The following SORCS3 variants were observed in gnomAD, a reference collection of about 807,000 sequenced individuals.
SORCS3 encodes the protein VPS10 domain-containing receptor SorCS3.
SORCS3 carries 57 observed loss-of-function variants against 146.3 expected under a neutral mutation model. That is an observed-to-expected ratio of 0.39 (90% CI 0.31 to 0.49). The LOEUF is 0.49. Ranked by LOEUF, SORCS3 falls within the 20% of genes least tolerant of loss-of-function variation. SORCS3 has a pLI of 0.92. For synonymous variants in SORCS3, 653 were observed against 618.5 expected (o/e 1.06, Z -0.83); for missense variants, 1,341 against 1,575.5 (o/e 0.85, Z 2.52).
At chr10:104,746,831 T>A (rs2016917184) in intron 1 of SORCS3, among the ~76,000 whole-genome samples, 1 of 152,232 alleles carries the variant, frequency 6.6e-6, no homozygotes, top group Non-Finnish European at 1.5e-5. Flanking sequence ...AGTATATACT[T>A]TTAAAGGACA....
At chr10:104,989,487 T>G (rs1226317392) in intron 4 of SORCS3, among the ~76,000 whole-genome samples, 1 of 152,174 alleles carries the variant, frequency 6.6e-6, no homozygotes, top group Non-Finnish European at 1.5e-5. Flanking sequence ...GAGTGGAATA[T>G]AAGGAGAAAA....
intron 1 of SORCS3, among the ~76,000 whole-genome samples, chr10:104,711,993 G>A (rs1250720775): frequency 1.3e-5 from 2 of 152,114 alleles, no homozygotes; most frequent in African/African-American, 4.8e-5. Context: ...CAATAACCAA[G>A]TTACCATTAG....
chr10:105,146,623 G>A (rs1463136028), intron 8 of SORCS3, among the ~76,000 whole-genome samples: 2 of 151,988 alleles, frequency 1.3e-5, no homozygotes, highest in African/African-American at 4.8e-5. Context: ...CTCTAATCTA[G>A]AGGTGATATA....
intron 25 of SORCS3, among the ~76,000 whole-genome samples, chr10:105,258,056 C>T (rs1057273570): frequency 9.2e-5 from 14 of 152,138 alleles, no homozygotes; most frequent in South Asian, 2.1e-4. Context: ...ACTCTTCCTG[C>T]CCCCCTTCTT....
rs537856093 is a variant in SORCS3, at chr10:105,112,604, T to G, written c.1212+7089T>G. On this transcript the variant is annotated intron_variant, in intron 7 of 26. Coordinates refer to ENST00000369701, the MANE Select transcript of SORCS3 (RefSeq NM_014978.3). ...TTTTCTACCTGTTCCTGCCTACCAG[T>G]CTATCAAAGAATGGCCTTGGTACAA... Among the ~76,000 whole-genome samples, 172 of 152,166 alleles carry G rather than the reference T, an allele frequency of 1.1e-3. 1 individual carries two copies. The highest frequency in any genetic ancestry group is 3.4e-3 in the Middle Eastern group (1 of 294).
chr10:104,806,900 G>A (rs2017684650), intron 1 of SORCS3, among the ~76,000 whole-genome samples: 1 of 152,126 alleles, frequency 6.6e-6, no homozygotes, highest in South Asian at 2.1e-4. Context: ...GAACTAAGGG[G>A]TGTTTGCCGT....
chr10:105,118,585 G>C (rs568811785), intron 7 of SORCS3, among the ~76,000 whole-genome samples: 8 of 152,250 alleles, frequency 5.3e-5, no homozygotes, highest in Non-Finnish European at 1.2e-4. Context: ...GAAAGAAGAC[G>C]TGGAAAAGTT....
chr10:104,668,795 G>T (rs1219892067), intron 1 of SORCS3, among the ~76,000 whole-genome samples: 1 of 152,214 alleles, frequency 6.6e-6, no homozygotes, highest in Non-Finnish European at 1.5e-5. Flanking sequence ...CCATTTACAG[G>T]CACCATAGGT....
chr10:105,053,628 A>T, intron 5 of SORCS3, among the ~76,000 whole-genome samples: 1 of 151,870 alleles, frequency 6.6e-6, no homozygotes, highest in East Asian at 1.9e-4. Flanking sequence ...AATATTTTTC[A>T]TTCAGATCAT....
intron 1 of SORCS3, among the ~76,000 whole-genome samples, chr10:104,720,464 T>C (rs2016533260): frequency 6.6e-6 from 1 of 152,240 alleles, no homozygotes; most frequent in Non-Finnish European, 1.5e-5. Context: ...TATAGAAGCA[T>C]GTTTATAATC....
chr10:105,214,420 A>G (rs1470056038), intron 17 of SORCS3, 22 bp from the exon 18 acceptor site: 1 of 1,613,408 alleles, frequency 6.2e-7, no homozygotes, highest in East Asian at 2.2e-5. Context: ...ACAAACCACT[A>G]TCAATTGTCA....
intron 19 of SORCS3, among the ~76,000 whole-genome samples, chr10:105,218,063 C>T (rs1055589311): frequency 6.6e-6 from 1 of 152,188 alleles, no homozygotes; most frequent in Non-Finnish European, 1.5e-5. Flanking sequence ...GGCATCAACT[C>T]TATTGTATAA....
At chr10:105,177,083 C>T (rs537750290) in intron 13 of SORCS3, among the ~76,000 whole-genome samples, 3 of 151,944 alleles carry the variant, frequency 2.0e-5, no homozygotes, top group South Asian at 4.2e-4. Context: ...TCTCTGAACT[C>T]GCAGAGTTTA....
intron 1 of SORCS3, among the ~76,000 whole-genome samples, chr10:104,788,572 G>T (rs1213212178): frequency 6.6e-6 from 1 of 152,176 alleles, no homozygotes; most frequent in East Asian, 1.9e-4. Context: ...TTGAGGGAAA[G>T]GGGAGCCAGA....
intron 5 of SORCS3, among the ~76,000 whole-genome samples, chr10:105,074,605 G>A (rs1320082206): frequency 1.3e-5 from 2 of 152,106 alleles, no homozygotes; most frequent in African/African-American, 4.8e-5. Context: ...ATTACCCTTG[G>A]GGCTACTATG....
chr10:105,223,584 C>G (rs1033616334), intron 20 of SORCS3, among the ~76,000 whole-genome samples: 5 of 152,188 alleles, frequency 3.3e-5, no homozygotes, highest in Admixed American at 2.0e-4. Context: ...AAAGAAGTTA[C>G]TTAGCATCTC....
intron 13 of SORCS3, among the ~76,000 whole-genome samples, chr10:105,174,782 G>A (rs1404020504): frequency 6.6e-6 from 1 of 152,086 alleles, no homozygotes; most frequent in Non-Finnish European, 1.5e-5. Flanking sequence ...CTCCTTCCGT[G>A]TGAACTCATT....
Position 104,842,836 on chromosome 10 carries a change from C to A in SORCS3, c.672C>A (p.Ser224Arg). Reference sequence around the variant, plus strand: ...AGCTGTATGACTTCAACCTGGGCAGCGTGACTGAGAGTTCACTATGGAGGT... The same window carrying A: ...AGCTGTATGACTTCAACCTGGGCAGAGTGACTGAGAGTTCACTATGGAGGT... ...LTKLYDFNLG[S>R]VTESSLWRST... The change falls in exon 2 of 27, where the codon AGC (serine) becomes AGA (arginine). Residue 224 changes from serine to arginine, a missense_variant. Ser to Arg is a moderately radical substitution (Grantham distance 110). Coordinates refer to ENST00000369701, the MANE Select transcript of SORCS3 (RefSeq NM_014978.3). The A allele has an allele frequency of 6.2e-7, 1 of 1,613,880 alleles. No homozygotes were observed. The highest frequency in any genetic ancestry group is 8.5e-7 in the Non-Finnish European group (1 of 1,179,830).
intron 6 of SORCS3, among the ~76,000 whole-genome samples, chr10:105,095,527 C>T (rs1427030891): frequency 6.6e-6 from 1 of 152,092 alleles, no homozygotes; most frequent in African/African-American, 2.4e-5. Flanking sequence ...ACTATCTGCC[C>T]AGGCAGATAG....
Sources: allele counts gnomAD v4.1 joint callset (sites outside exome capture counted in the v4.1 genomes callset), GRCh38; gene constraint gnomAD v4.1.1; transcripts MANE v1.5; gene names NCBI Gene and HGNC (gene_info 2026-07-23, HGNC 2026-07-21).